The following CMSS1 variants were observed in gnomAD, a reference collection of about 807,000 sequenced individuals.
The protein encoded by CMSS1 is cms1 ribosomal small subunit homolog, also known as protein CMSS1.
CMSS1 carries 33 observed loss-of-function variants against 43.5 expected under a neutral mutation model. The ratio of observed to expected loss-of-function variants is 0.76; its 90% CI spans 0.57 to 1.01. CMSS1 has a LOEUF of 1.01. Ranked by LOEUF, CMSS1 falls within the 50% of genes least tolerant of loss-of-function variation. The pLI is 0.00. For missense variants in CMSS1, 313 were observed against 326.4 expected (o/e 0.96, Z 0.32); for synonymous variants, 115 against 117.2 (o/e 0.98, Z 0.12).
At chr3:99,864,240 C>G (rs79098076) in intron 1 of CMSS1, among the ~76,000 whole-genome samples, 1 of 151,944 alleles carries the variant, frequency 6.6e-6, no homozygotes, top group African/African-American at 2.4e-5. Flanking sequence ...AAAACTGAGG[C>G]CCAGGCAGAT....
intron 1 of CMSS1, chr3:100,025,531 GGAAAGAT>G (rs1340806491): frequency 1.3e-5 from 2 of 152,082 alleles, no homozygotes; most frequent in Non-Finnish European, 2.9e-5. Flanking sequence ...GAAGGAACGG[GGAAAGAT>G]GTTATACTCG....
At chr3:99,883,544 C>T (rs889316122) in intron 1 of CMSS1, among the ~76,000 whole-genome samples, 6 of 151,974 alleles carry the variant, frequency 3.9e-5, no homozygotes, top group African/African-American at 1.5e-4. Context: ...GTTGTATAAA[C>T]AGATTTTCTT....
Position 100,178,516 on chromosome 3 carries a change from C to A in CMSS1, c.*128C>A, listed in dbSNP as rs2067166334. ...ATGTTAATTGTGTCAACAGATGGAT[C>A]ACTGGAATGTGGGGATTCTGAAACA... On this transcript the variant is annotated 3_prime_UTR_variant, in exon 10 of 10. Coordinates refer to ENST00000421999, the MANE Select transcript of CMSS1 (RefSeq NM_032359.4). 3 of 600,598 alleles carry A rather than the reference C, an allele frequency of 5.0e-6. No individual in the cohort carries two copies. Among genetic ancestry groups the A allele is most frequent in the Non-Finnish European group, 8.9e-6 (3 of 336,558 alleles). 37.2% of individuals were successfully genotyped at this position (600,598 alleles called of 1,614,324 possible). A position where few individuals can be genotyped will look rare whatever the true frequency, so the allele number is the denominator to read the frequency against.
intron 1 of CMSS1, among the ~76,000 whole-genome samples, chr3:99,866,580 C>T (rs1944534325): frequency 6.6e-6 from 1 of 152,012 alleles, no homozygotes; most frequent in Admixed American, 6.6e-5. Context: ...AAACAAGGAG[C>T]AAGGAAAATA....
At chr3:99,848,384 C>G in intron 1 of CMSS1, 1 of 1,614,078 alleles carries the variant, frequency 6.2e-7, no homozygotes, top group Non-Finnish European at 8.5e-7. Flanking sequence ...TTTAGTGCCC[C>G]GTTAATTAAG....
At chr3:99,843,648 C>G (rs1485370843) in intron 1 of CMSS1, among the ~76,000 whole-genome samples, 1 of 152,122 alleles carries the variant, frequency 6.6e-6, no homozygotes, top group Non-Finnish European at 1.5e-5. Flanking sequence ...CCTAGCCCAC[C>G]TTAAACATGC....
At chr3:99,922,321 A>G (rs1229313226) in intron 1 of CMSS1, among the ~76,000 whole-genome samples, 1 of 152,212 alleles carries the variant, frequency 6.6e-6, no homozygotes, top group East Asian at 1.9e-4. Flanking sequence ...CAAATCTTAT[A>G]TTGTAATGTC....
rs145294257 is a variant in CMSS1, at chr3:100,153,031, T to C, written c.153+5970T>C. 3.9e-3 allele frequency among the ~76,000 whole-genome samples: 599 copies of C among 152,368 alleles called. 3 individuals are homozygous for C. The highest frequency in any genetic ancestry group is 7.2e-3 in the Non-Finnish European group (492 of 68,030). On this transcript the variant is annotated intron_variant, in intron 2 of 9. Coordinates refer to ENST00000421999, the MANE Select transcript of CMSS1 (RefSeq NM_032359.4). Reference sequence around the variant, plus strand: ...TGTTTAATATTTATCTTAAAGTATGTATATTTTCTTTTGAGGTAAAGTTAA... The same window carrying C: ...TGTTTAATATTTATCTTAAAGTATGCATATTTTCTTTTGAGGTAAAGTTAA...
chr3:99,838,888 T>A lies in CMSS1; in HGVS notation c.64+20845T>A, dbSNP rs1287933421. On this transcript the variant is annotated intron_variant, in intron 1 of 9. Transcript: ENST00000421999. ...TACCTCACTATGCAGAAACCTTCTG[T>A]GAAGACACAGAGACTCCCTAGTGCT... Among the ~76,000 whole-genome samples, 3 of 152,166 alleles carry A rather than the reference T, an allele frequency of 2.0e-5. No homozygotes were observed. The East Asian group carries it at 5.8e-4, about 29-fold the overall frequency.
At chr3:99,820,675 CAGAT>C (rs1942418789) in intron 1 of CMSS1, among the ~76,000 whole-genome samples, 1 of 152,210 alleles carries the variant, frequency 6.6e-6, no homozygotes, top group Non-Finnish European at 1.5e-5. Flanking sequence ...AGCTGAACCA[CAGAT>C]TTCCTGATTC....
rs1051489208 is a variant in CMSS1 at position 100,181,565 on chromosome 3, C to G, written c.*3177C>G. 2 of 152,186 alleles carry G rather than the reference C, an allele frequency of 1.3e-5. No homozygotes were observed. Among genetic ancestry groups the G allele is most frequent in the African/African-American group, 2.4e-5 (1 of 41,460 alleles). The allele number at this position is 152,186 out of a possible 1,614,324, so 9.4% of individuals were successfully genotyped here. On this transcript the variant is annotated 3_prime_UTR_variant, in exon 10 of 10. Coordinates refer to ENST00000421999, the MANE Select transcript of CMSS1 (RefSeq NM_032359.4). ...CATTGCACTTACTTAGTTGTTGTAT[C>G]TTTTTGGTTTCTTCAGACCAGTGAC... is the stretch of plus-strand genomic sequence containing the variant.
intron 1 of CMSS1, among the ~76,000 whole-genome samples, chr3:100,013,435 G>A (rs1354154573): frequency 1.3e-5 from 2 of 151,364 alleles, no homozygotes; most frequent in East Asian, 3.9e-4. Flanking sequence ...GTAGAGACCG[G>A]GTTTCCCCAT....
intron 1 of CMSS1, among the ~76,000 whole-genome samples, chr3:100,081,139 T>G (rs2065925551): frequency 6.6e-6 from 1 of 152,158 alleles, no homozygotes; most frequent in South Asian, 2.1e-4. Context: ...TTGAAAAGAA[T>G]TGCAGAACTT....
intron 1 of CMSS1, among the ~76,000 whole-genome samples, chr3:100,102,560 A>C (rs1440408115): frequency 6.6e-6 from 1 of 152,020 alleles, no homozygotes; most frequent in Admixed American, 6.6e-5. Flanking sequence ...TTTATATTCC[A>C]TATTGTTTTA....
At chr3:99,987,236 G>GA (rs1227204798) in intron 1 of CMSS1, among the ~76,000 whole-genome samples, 43 of 107,930 alleles carry the variant, frequency 4.0e-4, no homozygotes, top group African/African-American at 8.1e-4. Context: ...CTCTTAAGGG[G>GA]AAAAAAAAAA....
chr3:99,938,797 G>C (rs1175993923), intron 1 of CMSS1, among the ~76,000 whole-genome samples: 1 of 151,878 alleles, frequency 6.6e-6, no homozygotes, highest in Non-Finnish European at 1.5e-5. Flanking sequence ...CCAGATTAGG[G>C]GAAAAAATCC....
At chr3:99,850,451 G>C in intron 1 of CMSS1, 1 of 1,613,954 alleles carries the variant, frequency 6.2e-7, no homozygotes, top group Non-Finnish European at 8.5e-7. Flanking sequence ...TCTTTACTCT[G>C]TAACGTCTCC....
chr3:99,928,039 A>C (rs542486541), intron 1 of CMSS1, among the ~76,000 whole-genome samples: 1 of 152,368 alleles, frequency 6.6e-6, no homozygotes, highest in Non-Finnish European at 1.5e-5. Flanking sequence ...ATTATGAAGA[A>C]AATAAAAGGG....
chr3:99,903,325 C>T (rs1247096928), intron 1 of CMSS1, among the ~76,000 whole-genome samples: 1 of 151,818 alleles, frequency 6.6e-6, no homozygotes, highest in East Asian at 1.9e-4. Context: ...GATCTCAGCT[C>T]ACTGCAACCT....
Sources: allele counts gnomAD v4.1 joint callset (sites outside exome capture counted in the v4.1 genomes callset), GRCh38; gene constraint gnomAD v4.1.1; transcripts MANE v1.5; gene names NCBI Gene and HGNC (gene_info 2026-07-23, HGNC 2026-07-21).